MCTP1: variants seen among roughly 807,000 people sequenced by gnomAD.
MCTP1 encodes the protein multiple C2 and transmembrane domain containing 1, also known as multiple C2 and transmembrane domain-containing protein 1.
A neutral mutation model predicts 120.6 loss-of-function variants in MCTP1; 69 were observed. That is an observed-to-expected ratio of 0.57 (90% confidence interval 0.47 to 0.70). The LOEUF (loss-of-function observed/expected upper bound fraction) is 0.70, where lower values mean the gene tolerates loss of function less well. Among genes scored for constraint, MCTP1 ranks in the 30% least tolerant of loss-of-function variants. MCTP1 has a pLI of 0.00. For synonymous variants in MCTP1, 529 were observed against 493.1 expected (o/e 1.07, Z -0.96); for missense variants, 1,203 against 1,248.8 (o/e 0.96, Z 0.55).
intron 19 of MCTP1, among the ~76,000 whole-genome samples, chr5:94,769,122 G>A (rs1462674915): frequency 6.6e-6 from 1 of 152,122 alleles, no homozygotes; most frequent in East Asian, 1.9e-4. Context: ...TATGTTAAAT[G>A]AAATAAGCCA....
At chr5:95,030,582 A>G (rs778014304) in intron 1 of MCTP1, among the ~76,000 whole-genome samples, 1 of 152,256 alleles carries the variant, frequency 6.6e-6, no homozygotes, top group Non-Finnish European at 1.5e-5. Flanking sequence ...CCAGAGCCTT[A>G]GCCCTCTGCA....
chr5:95,208,955 T>C (rs1752002809), intron 1 of MCTP1, among the ~76,000 whole-genome samples: 1 of 152,160 alleles, frequency 6.6e-6, no homozygotes, highest in South Asian at 2.1e-4. Flanking sequence ...ATGACCCTGT[T>C]CTGTCATCTC....
chr5:95,146,304 T>C (rs1760389131), intron 1 of MCTP1, among the ~76,000 whole-genome samples: 1 of 152,160 alleles, frequency 6.6e-6, no homozygotes, highest in South Asian at 2.1e-4. Flanking sequence ...GCTAGTGTTC[T>C]ATACATCTTG....
chr5:95,016,468 C>G (rs1837129904), intron 2 of MCTP1, among the ~76,000 whole-genome samples: 1 of 152,030 alleles, frequency 6.6e-6, no homozygotes, highest in African/African-American at 2.4e-5. Context: ...CAGCCCTAAT[C>G]TGGTTCCTTC....
At position 94,907,080 on chromosome 5, in the gene MCTP1, T is replaced by A. The variant is rs997830915; in HGVS notation, c.1652+2171A>T. Among the ~76,000 whole-genome samples the A allele has an allele frequency of 3.3e-5, 5 of 152,344 alleles. No individual in the cohort carries two copies. In the East Asian group the frequency reaches 5.8e-4, roughly 18 times the overall value. On this transcript the variant is annotated intron_variant, in intron 10 of 22. Coordinates refer to ENST00000515393, the MANE Select transcript of MCTP1 (RefSeq NM_024717.7). Reference sequence around the variant, plus strand: ...ATCTGTATTATCTCCACTGTTTCCATGCAAGCTTCAAATAAATAAAGAAAC... The same window carrying A: ...ATCTGTATTATCTCCACTGTTTCCAAGCAAGCTTCAAATAAATAAAGAAAC...
intron 1 of MCTP1, among the ~76,000 whole-genome samples, chr5:95,126,746 T>C (rs1758661785): frequency 6.6e-6 from 1 of 152,210 alleles, no homozygotes; most frequent in African/African-American, 2.4e-5. Flanking sequence ...GTTCAAACTT[T>C]TGGTTAATAT....
At chr5:95,020,334 G>A (rs1837961715) in intron 1 of MCTP1, among the ~76,000 whole-genome samples, 1 of 152,076 alleles carries the variant, frequency 6.6e-6, no homozygotes, top group African/African-American at 2.4e-5. Context: ...AACTACACTA[G>A]ATTTTTCACT....
At chr5:95,186,998 G>A (rs1372177631) in intron 1 of MCTP1, among the ~76,000 whole-genome samples, 15 of 152,208 alleles carry the variant, frequency 9.9e-5, no homozygotes, top group Admixed American at 9.8e-4. Context: ...TACACTGTTG[G>A]TGGGAATGCA....
chr5:95,247,687 G>A (rs926235313), intron 1 of MCTP1, among the ~76,000 whole-genome samples: 2 of 152,190 alleles, frequency 1.3e-5, no homozygotes, highest in Non-Finnish European at 1.5e-5. Context: ...CAGTTTCCAT[G>A]TAGTTGTGCG....
intron 18 of MCTP1, among the ~76,000 whole-genome samples, chr5:94,779,931 T>C (rs533705808): frequency 6.6e-6 from 1 of 152,304 alleles, no homozygotes; most frequent in African/African-American, 2.4e-5. Context: ...TAACTTCCCT[T>C]TGCCTTGATC....
At chr5:94,817,431 C>A (rs992776222) in intron 17 of MCTP1, among the ~76,000 whole-genome samples, 2 of 151,890 alleles carry the variant, frequency 1.3e-5, no homozygotes, top group Admixed American at 1.3e-4. Context: ...AACAAACAAA[C>A]AAACAAACAA....
intron 1 of MCTP1, among the ~76,000 whole-genome samples, chr5:95,045,934 AC>A (rs1843059629): frequency 6.6e-6 from 1 of 152,094 alleles, no homozygotes; most frequent in African/African-American, 2.4e-5. Flanking sequence ...ACCTCTTCAT[AC>A]CTCAGCTTTC....
intron 18 of MCTP1, among the ~76,000 whole-genome samples, chr5:94,795,162 T>A (rs1779737817): frequency 6.6e-6 from 1 of 151,996 alleles, no homozygotes; most frequent in Non-Finnish European, 1.5e-5. Context: ...TCTCTGAGAC[T>A]TGATTCTCTT....
At chr5:94,821,717 A>G (rs1226690881) in intron 17 of MCTP1, among the ~76,000 whole-genome samples, 3 of 152,170 alleles carry the variant, frequency 2.0e-5, no homozygotes, top group Admixed American at 6.6e-5. Flanking sequence ...ACCCTCTGAT[A>G]CAAAAACCTA....
At chr5:95,197,687 T>C (rs1276286115) in intron 1 of MCTP1, among the ~76,000 whole-genome samples, 2 of 152,122 alleles carry the variant, frequency 1.3e-5, no homozygotes, top group Non-Finnish European at 2.9e-5. Flanking sequence ...GATATATACA[T>C]ATATACATAA....
chr5:95,056,687 A>G (rs1036655340), intron 1 of MCTP1, among the ~76,000 whole-genome samples: 2 of 152,134 alleles, frequency 1.3e-5, no homozygotes, highest in Admixed American at 1.3e-4. Flanking sequence ...TAGCGGACTC[A>G]CTGAGTATTC....
At position 94,909,317 on chromosome 5, in the gene MCTP1, C is replaced by T; in HGVS notation, c.1586G>A (p.Arg529Lys). 1.2e-6 allele frequency: 2 copies of T among 1,608,912 alleles called. No homozygotes were observed. Among genetic ancestry groups the T allele is most frequent in the Non-Finnish European group, 1.7e-6 (2 of 1,177,944 alleles). Residue 529 changes from arginine (R) to lysine (K), a missense_variant, in exon 10 of 23, where the codon AGA (arginine) becomes AAA (lysine). Physicochemically the swap from Arg to Lys is conservative, Grantham distance 26. Transcript: ENST00000515393. ...TGCAGTGATATCAATGACTCCTCCTCTTTCTTCATAAAGGTGAAAATCAAA... is the reference window on the plus strand; with the variant it reads ...TGCAGTGATATCAATGACTCCTCCTTTTTCTTCATAAAGGTGAAAATCAAA... ...EQFDFHLYEE[R>K]GGVIDITAWD...
intron 1 of MCTP1, among the ~76,000 whole-genome samples, chr5:95,191,719 T>A (rs937239651): frequency 2.6e-5 from 4 of 152,032 alleles, no homozygotes. Flanking sequence ...AACAAATGCA[T>A]TTCAACTAAG....
intron 2 of MCTP1, among the ~76,000 whole-genome samples, chr5:94,984,956 AAT>A (rs1244068645): frequency 2.6e-5 from 4 of 152,200 alleles, no homozygotes; most frequent in Non-Finnish European, 5.9e-5. Flanking sequence ...CATCCAATTT[AAT>A]ATGAGTTCTG....
Sources: gnomAD v4.1 joint callset for allele counts (sites outside exome capture counted in the v4.1 genomes callset) on GRCh38, gnomAD v4.1.1 for gene constraint, MANE v1.5 for transcripts, NCBI Gene and HGNC (gene_info 2026-07-23, HGNC 2026-07-21) for gene names.